The following AAK1 variants were observed in gnomAD, a reference collection of about 807,000 sequenced individuals.
AAK1 encodes AP2-associated protein kinase 1.
In AAK1, 37 loss-of-function variants were observed where a neutral mutation model predicts 116.0. The ratio of observed to expected loss-of-function variants is 0.32; its 90% CI spans 0.25 to 0.42. The LOEUF is 0.42. Ranked by LOEUF, AAK1 falls within the 10% of genes least tolerant of loss-of-function variation. The pLI is 1.00. For synonymous variants in AAK1, 458 were observed against 439.9 expected (o/e 1.04, Z -0.51); for missense variants, 919 against 1,170.6 (o/e 0.79, Z 3.14).
chr2:69,584,518 G>A (rs1036875408), intron 2 of AAK1, among the ~76,000 whole-genome samples: 14 of 152,096 alleles, frequency 9.2e-5, no homozygotes, highest in Non-Finnish European at 1.5e-5. Flanking sequence ...TTCTCTTGGT[G>A]CCTTGGTTTC....
In AAK1 at chr2:69,643,498, G is replaced by A. The variant is rs116710101; in HGVS notation, c.-235+77C>T. On this transcript the variant is annotated intron_variant, in intron 1 of 21. Coordinates refer to ENST00000409085, the MANE Select transcript of AAK1 (RefSeq NM_014911.5). ...GGATCCGAGCTGCTCCGGCAGCGCCGACCCTCCCGGGCACTGCCTCCCGCT... is the reference window on the plus strand; with the variant it reads ...GGATCCGAGCTGCTCCGGCAGCGCCAACCCTCCCGGGCACTGCCTCCCGCT... 6.6e-3 allele frequency: 8,014 copies of A among 1,219,980 alleles called. 427 individuals are homozygous for A. In the African/African-American group the frequency reaches 0.11, roughly 17 times the overall value. 75.6% of individuals were successfully genotyped at this position (1,219,980 alleles called of 1,614,324 possible). A position where few individuals can be genotyped will look rare whatever the true frequency, so the allele number is the denominator to read the frequency against.
At chr2:69,622,247 C>T (rs759783869) in intron 2 of AAK1, among the ~76,000 whole-genome samples, 16 of 152,240 alleles carry the variant, frequency 1.1e-4, no homozygotes, top group Non-Finnish European at 1.9e-4. Context: ...GATTTCTGGC[C>T]GGGCCTTAGC....
chr2:69,489,450 CAAAA>C (rs70954346), intron 17 of AAK1, among the ~76,000 whole-genome samples: 2 of 119,360 alleles, frequency 1.7e-5, no homozygotes, highest in Non-Finnish European at 3.6e-5. Flanking sequence ...GACTCCGTCT[CAAAA>C]AAAAAAAAAA....
At chr2:69,482,307 T>C (rs2104897241) in intron 18 of AAK1, 3 of 391,664 alleles carry the variant, frequency 7.7e-6, no homozygotes, top group Middle Eastern at 1.4e-3. Context: ...AGCTGAGATC[T>C]TGCCATTGCA....
At chr2:69,554,857 T>C (rs1671324743) in intron 3 of AAK1, among the ~76,000 whole-genome samples, 1 of 152,232 alleles carries the variant, frequency 6.6e-6, no homozygotes, top group Admixed American at 6.5e-5. Flanking sequence ...CTCTCACAGC[T>C]AATACGCCTC....
intron 5 of AAK1, among the ~76,000 whole-genome samples, chr2:69,536,602 C>T (rs1347974828): frequency 6.6e-6 from 1 of 152,192 alleles, no homozygotes; most frequent in African/African-American, 2.4e-5. Context: ...CCACTGCTTA[C>T]AATCCCGAAC....
chr2:69,595,049 C>T (rs887074398), intron 2 of AAK1: 5 of 734,106 alleles, frequency 6.8e-6, no homozygotes, highest in South Asian at 4.0e-5. Flanking sequence ...GTTTTAGGAA[C>T]GTTCACCATG....
intron 15 of AAK1, among the ~76,000 whole-genome samples, chr2:69,506,146 A>G (rs976344447): frequency 2.6e-5 from 4 of 152,218 alleles, no homozygotes; most frequent in Non-Finnish European, 5.9e-5. Flanking sequence ...CAGTAGCTTA[A>G]TGTGAAAGCT....
intron 12 of AAK1, among the ~76,000 whole-genome samples, chr2:69,516,566 G>A (rs1403111019): frequency 6.6e-6 from 1 of 152,054 alleles, no homozygotes; most frequent in Non-Finnish European, 1.5e-5. Flanking sequence ...TAAGAAAAAT[G>A]GATGATTTCA....
chr2:69,506,418 C>G (rs931871553), intron 15 of AAK1, among the ~76,000 whole-genome samples: 7 of 152,178 alleles, frequency 4.6e-5, no homozygotes, highest in African/African-American at 1.7e-4. Flanking sequence ...GGCTAGAGTG[C>G]AGTGGTAAAT....
chr2:69,517,881 T>C (rs1390770665), intron 12 of AAK1, among the ~76,000 whole-genome samples: 3 of 151,574 alleles, frequency 2.0e-5, no homozygotes, highest in African/African-American at 7.3e-5. Context: ...ATTCCGATGA[T>C]TTGGGAGGCT....
At chr2:69,483,393 G>A (rs977937458) in intron 17 of AAK1, among the ~76,000 whole-genome samples, 6 of 152,130 alleles carry the variant, frequency 3.9e-5, no homozygotes, top group African/African-American at 9.7e-5. Flanking sequence ...CCGTGTGGTC[G>A]CAAGTATCAA....
chr2:69,479,733 C>T (rs2104891211), intron 19 of AAK1, among the ~76,000 whole-genome samples: 1 of 152,240 alleles, frequency 6.6e-6, no homozygotes, highest in South Asian at 2.1e-4. Context: ...ATTTTGACTT[C>T]AGAAAACCAA....
Position 69,509,315 on chromosome 2 carries a change from T to C in AAK1, c.1922A>G (p.His641Arg), listed in dbSNP as rs1676302804. The C allele has an allele frequency of 1.9e-6, 3 of 1,613,774 alleles. No homozygotes were observed. Among genetic ancestry groups the C allele is most frequent in the African/African-American group, 2.7e-5 (2 of 74,884 alleles). ...GHRRILSDVT[H>R]SAVFGVPASK... ...GGCAGGGACCCCAAAGACTGCACTG[T>C]GGGTTACGTCACTGAGAATACGCCT... is the stretch of plus-strand genomic sequence containing the variant. The change falls in exon 14 of 22, where the codon CAC becomes CGC. Residue 641 changes from histidine (H) to arginine (R), a missense_variant. Physicochemically the swap from His to Arg is conservative, Grantham distance 29. Transcript: ENST00000409085.
At position 69,459,825 on chromosome 2, in the gene AAK1, G is replaced by T. The variant is rs187243718; in HGVS notation, c.*16044C>A. ...CCACATACTACTTTTCAAGCATTTT[G>T]AAACTCTTCTTTTCCTTTAGTGATG... On this transcript the variant is annotated 3_prime_UTR_variant, in exon 22 of 22. Transcript: ENST00000409085. 6.6e-6 allele frequency: 1 copy of T among 152,090 alleles called. No individual in the cohort carries two copies. Among genetic ancestry groups the T allele is most frequent in the African/African-American group, 2.4e-5 (1 of 41,478 alleles). 9.4% of individuals were successfully genotyped at this position (152,090 alleles called of 1,614,324 possible).
At chr2:69,504,694 G>A (rs911732549) in intron 16 of AAK1, among the ~76,000 whole-genome samples, 1 of 151,920 alleles carries the variant, frequency 6.6e-6, no homozygotes, top group Non-Finnish European at 1.5e-5. Flanking sequence ...TTGAACCCAG[G>A]AGGCGGCGGT....
At chr2:69,620,063 C>G (rs1674527050) in intron 2 of AAK1, among the ~76,000 whole-genome samples, 1 of 152,260 alleles carries the variant, frequency 6.6e-6, no homozygotes, top group Admixed American at 6.5e-5. Context: ...ACTGAGGAGG[C>G]TCAGGCAGCA....
At chr2:69,519,321 T>C (rs1426507776) in intron 11 of AAK1, 81 bp from the exon 12 acceptor site, 6 of 1,459,756 alleles carry the variant, frequency 4.1e-6, no homozygotes, top group Non-Finnish European at 5.4e-6. Context: ...AAACAACTAA[T>C]AGGGGGTGAC....
chr2:69,627,150 G>A (rs758843784), intron 2 of AAK1, among the ~76,000 whole-genome samples: 11 of 152,136 alleles, frequency 7.2e-5, no homozygotes, highest in African/African-American at 9.6e-5. Context: ...TTAGCTAGGC[G>A]TGGTGGCGGG....
Sources: gnomAD v4.1 joint callset for allele counts (sites outside exome capture counted in the v4.1 genomes callset) on GRCh38, gnomAD v4.1.1 for gene constraint, MANE v1.5 for transcripts, NCBI Gene and HGNC (gene_info 2026-07-23, HGNC 2026-07-21) for gene names.